Variants in PPP4R3A observed in about 807,000 individuals in gnomAD.
The protein encoded by PPP4R3A is serine/threonine-protein phosphatase 4 regulatory subunit 3A.
Under a neutral mutation model 91.7 loss-of-function variants are expected in PPP4R3A, and 15 were observed. The observed-to-expected ratio is 0.16, with a 90% CI of 0.11 to 0.25. The LOEUF is 0.25. Ranked by LOEUF, PPP4R3A falls within the 10% of genes least tolerant of loss-of-function variation. The pLI, the probability that PPP4R3A is intolerant of heterozygous loss-of-function variation, is 1.00. For missense variants in PPP4R3A, 623 were observed against 998.4 expected (o/e 0.62, Z 5.07); for synonymous variants, 377 against 348.7 (o/e 1.08, Z -0.91).
chr14:91,498,278 T>C (rs1890709109), intron 1 of PPP4R3A, among the ~76,000 whole-genome samples: 1 of 151,484 alleles, frequency 6.6e-6, no homozygotes, highest in Admixed American at 6.6e-5. Context: ...GAGGTTGCAG[T>C]AAGCCAAGAT....
chr14:91,506,385 T>C (rs1217649137), intron 1 of PPP4R3A, among the ~76,000 whole-genome samples: 2 of 152,218 alleles, frequency 1.3e-5, no homozygotes, highest in African/African-American at 4.8e-5. Context: ...GTTGTAAGAA[T>C]TACGTAAGTC....
chr14:91,505,546 C>T (rs1300624794), intron 1 of PPP4R3A, among the ~76,000 whole-genome samples: 1 of 151,854 alleles, frequency 6.6e-6, no homozygotes, highest in Non-Finnish European at 1.5e-5. Flanking sequence ...TAGCCTATTT[C>T]TAAGGTGGAT....
intron 10 of PPP4R3A, among the ~76,000 whole-genome samples, chr14:91,467,336 T>C (rs1040544948): frequency 6.6e-6 from 1 of 152,188 alleles, no homozygotes; most frequent in Non-Finnish European, 1.5e-5. Context: ...ATAGGCCAAG[T>C]TGGCACTGCC....
At chr14:91,489,820 T>A (rs1669466878) in intron 2 of PPP4R3A, among the ~76,000 whole-genome samples, 1 of 152,258 alleles carries the variant, frequency 6.6e-6, no homozygotes, top group Admixed American at 6.5e-5. Flanking sequence ...AAATATACTG[T>A]ATGAATGTTT....
At chr14:91,481,502 TG>T in intron 4 of PPP4R3A, 73 bp downstream of exon 4, 1 of 1,411,250 alleles carries the variant, frequency 7.1e-7, no homozygotes, top group Non-Finnish European at 9.4e-7. Flanking sequence ...TAAAACTCAA[TG>T]TATGTATTTA....
chr14:91,461,394 G>C lies in PPP4R3A; in HGVS notation c.2378C>G (p.Ala793Gly). Reference protein sequence around the residue: ...SVPKNTSQTAAITTKGGLVGL... With the variant: ...SVPKNTSQTAGITTKGGLVGL... Reference sequence around the variant, plus strand: ...TCAAGAATGTACCTTTGTAGTAATAGCTGCCGTCTGAGATGTATTTTTAGG... The same window carrying C: ...TCAAGAATGTACCTTTGTAGTAATACCTGCCGTCTGAGATGTATTTTTAGG... The change falls in exon 14 of 15, where the codon GCT (alanine) becomes GGT (glycine). Residue 793 changes from alanine (A) to glycine (G), a missense_variant. By Grantham distance (60) the Ala-to-Gly change is moderately conservative. Around this residue, in one of 5 missense-constraint regions of PPP4R3A, gnomAD observed 201 missense variants for 229.9 expected, o/e 0.87. Transcript: ENST00000554943. 11 of 1,607,088 alleles carry C rather than the reference G, an allele frequency of 6.8e-6. No homozygotes were observed. The highest frequency in any genetic ancestry group is 8.5e-6 in the Non-Finnish European group (10 of 1,173,970).
intron 3 of PPP4R3A, among the ~76,000 whole-genome samples, chr14:91,483,585 T>A (rs191178093): frequency 6.6e-6 from 1 of 152,346 alleles, no homozygotes; most frequent in Admixed American, 6.5e-5. Context: ...GTGCCCTTAT[T>A]ATATTAAGAA....
At chr14:91,462,387 T>C (rs1888215255) in intron 12 of PPP4R3A, 148 bp from the exon 13 acceptor site, 3 of 886,196 alleles carry the variant, frequency 3.4e-6, no homozygotes, top group Admixed American at 7.7e-5. Context: ...TTTAGATTAA[T>C]GTACAAAATT....
At position 91,467,865 on chromosome 14, in the gene PPP4R3A, A is replaced by G. The variant is rs113982583; in HGVS notation, c.1661-2446T>C. 5.1e-3 allele frequency among the ~76,000 whole-genome samples: 772 copies of G among 152,336 alleles called. 4 individuals are homozygous for G. Among genetic ancestry groups the G allele is most frequent in the Non-Finnish European group, 8.5e-3 (580 of 68,018 alleles). On this transcript the variant is annotated intron_variant, in intron 10 of 14. Coordinates refer to ENST00000554943, the MANE Select transcript of PPP4R3A (RefSeq NM_001366432.2). ...ATTGCTCATTACTGTCTGCATTTAT[A>G]TATGTGCACCTAAACTTAAATATCA... is the stretch of plus-strand genomic sequence containing the variant.
chr14:91,467,451 C>T (rs1888540064), intron 10 of PPP4R3A, among the ~76,000 whole-genome samples: 1 of 152,166 alleles, frequency 6.6e-6, no homozygotes, highest in Admixed American at 6.5e-5. Flanking sequence ...CTCTAAAAAA[C>T]ATTATTTATC....
intron 13 of PPP4R3A, 94 bp from the exon 14 acceptor site, chr14:91,461,701 C>T: frequency 8.1e-7 from 1 of 1,236,454 alleles, no homozygotes. Context: ...AACTAGCTTA[C>T]TACGCTGGGT....
chr14:91,466,538 T>G (rs1888477586), intron 10 of PPP4R3A: 1 of 558,314 alleles, frequency 1.8e-6, no homozygotes, highest in African/African-American at 2.0e-5. Context: ...ATGCAACTTA[T>G]TTAAGAGTGT....
At position 91,497,341 on chromosome 14, in the gene PPP4R3A, TACACACACACACACAC is replaced by T. The variant is rs10542688; in HGVS notation, c.143-6555_143-6540del. 7.1e-4 allele frequency among the ~76,000 whole-genome samples: 106 copies of T among 148,510 alleles called. 1 individual carries two copies. The Middle Eastern group carries it at 0.021, about 29-fold the overall frequency. ...TATCTCCCAAGAGGAATCTTTTATT[TACACACACACACACAC>T]ACACACACACACACACACACACGAT... On this transcript the variant is annotated intron_variant, in intron 1 of 14. Transcript: ENST00000554943.
chr14:91,468,736 CTT>C (rs66735873), intron 10 of PPP4R3A, among the ~76,000 whole-genome samples: 99 of 139,190 alleles, frequency 7.1e-4, no homozygotes, highest in South Asian at 1.6e-3. Flanking sequence ...ACATGCCACA[CTT>C]TTTTTTTTTA....
intron 10 of PPP4R3A, among the ~76,000 whole-genome samples, chr14:91,467,151 AT>A (rs544700682): frequency 9.2e-5 from 14 of 152,182 alleles, no homozygotes; most frequent in Non-Finnish European, 1.8e-4. Context: ...TTGCTCTTAC[AT>A]TTTATATCAA....
chr14:91,460,347 T>A (rs1473638383), intron 14 of PPP4R3A, among the ~76,000 whole-genome samples: 1 of 151,708 alleles, frequency 6.6e-6, no homozygotes, highest in Non-Finnish European at 1.5e-5. Context: ...AGGGAAAAAT[T>A]CACACTGCTC....
At position 91,475,711 on chromosome 14, in the gene PPP4R3A, C is replaced by T. The variant is rs767067558; in HGVS notation, c.1266+100G>A. The T allele has an allele frequency of 3.2e-6, 4 of 1,233,094 alleles. No individual in the cohort carries two copies. The African/African-American group carries it at 6.1e-5, about 19-fold the overall frequency. 76.4% of individuals were successfully genotyped at this position (1,233,094 alleles called of 1,614,324 possible). On this transcript the variant is annotated intron_variant, in intron 7 of 14. Transcript: ENST00000554943. ...TAAGCTGTCTGATATTATGGCTACA[C>T]TTTTCCCAAACAGCAACAATTAAAT...
intron 1 of PPP4R3A, among the ~76,000 whole-genome samples, chr14:91,495,679 T>C (rs1333543778): frequency 6.6e-6 from 1 of 151,286 alleles, no homozygotes; most frequent in East Asian, 1.9e-4. Flanking sequence ...TTATATAGTA[T>C]GTAAATACTG....
chr14:91,483,222 T>C (rs1210930422), intron 3 of PPP4R3A, among the ~76,000 whole-genome samples: 1 of 152,084 alleles, frequency 6.6e-6, no homozygotes, highest in Non-Finnish European at 1.5e-5. Flanking sequence ...GAAGGCCAAG[T>C]AGAATGGTAA....
Sources: gnomAD v4.1 joint callset for allele counts (sites outside exome capture counted in the v4.1 genomes callset) on GRCh38, gnomAD v4.1.1 for gene constraint, gnomAD v4.1.1 regional missense constraint, MANE v1.5 for transcripts, NCBI Gene and HGNC (gene_info 2026-07-23, HGNC 2026-07-21) for gene names.